Variants in STRADB observed in about 807,000 individuals in gnomAD.
The protein encoded by STRADB is STE20-related kinase adapter protein beta.
A neutral mutation model predicts 52.1 loss-of-function variants in STRADB; 34 were observed. That is an observed-to-expected ratio of 0.65 (90% CI 0.50 to 0.87). STRADB has a LOEUF of 0.87. Among genes scored for constraint, STRADB ranks in the 40% least tolerant of loss-of-function variants. The pLI is 0.00. For missense variants in STRADB, 340 were observed against 483.9 expected (o/e 0.70, Z 2.79); for synonymous variants, 133 against 174.5 (o/e 0.76, Z 1.87).
intron 4 of STRADB, among the ~76,000 whole-genome samples, chr2:201,471,818 C>A (rs778916043): frequency 2.6e-5 from 4 of 152,150 alleles, no homozygotes; most frequent in African/African-American, 4.8e-5. Context: ...AGGGCCAAGG[C>A]AGAGGCATTT....
rs147510220 is a variant in STRADB at position 201,462,568 on chromosome 2, A to C, written c.93+3704A>C. Reference sequence around the variant, plus strand: ...GTGTGTATGTGTTGTAGATTTTATGATTTGAGGTTACCATGAGGCTTGCAA... The same window carrying C: ...GTGTGTATGTGTTGTAGATTTTATGCTTTGAGGTTACCATGAGGCTTGCAA... On this transcript the variant is annotated intron_variant, in intron 3 of 11. Coordinates refer to ENST00000194530, the MANE Select transcript of STRADB (RefSeq NM_018571.6). Among the ~76,000 whole-genome samples the C allele has an allele frequency of 2.2e-3, 333 of 151,716 alleles. 2 individuals carry two copies. Among genetic ancestry groups the C allele is most frequent in the African/African-American group, 7.4e-3 (304 of 41,354 alleles).
intron 4 of STRADB, among the ~76,000 whole-genome samples, chr2:201,471,182 G>T (rs1050150409): frequency 6.6e-6 from 1 of 152,182 alleles, no homozygotes. Context: ...GTTTCAAATG[G>T]TGCCAATTCT....
chr2:201,476,899 T>C (rs757834787), intron 7 of STRADB, among the ~76,000 whole-genome samples: 1 of 141,388 alleles, frequency 7.1e-6, no homozygotes, highest in Non-Finnish European at 1.5e-5. Context: ...GGAGAATCAC[T>C]TGAACCCAGG....
intron 8 of STRADB, 105 bp downstream of exon 8, chr2:201,477,895 C>A: frequency 7.3e-7 from 1 of 1,372,366 alleles, no homozygotes; most frequent in South Asian, 1.4e-5. Context: ...TGGCCTTCTG[C>A]AAGACTTTAT....
At chr2:201,469,288 T>C (rs1189000722) in intron 3 of STRADB, among the ~76,000 whole-genome samples, 3 of 152,214 alleles carry the variant, frequency 2.0e-5, no homozygotes, top group Non-Finnish European at 4.4e-5. Flanking sequence ...GGTTATCATA[T>C]GAAGCCAGTA....
At chr2:201,469,171 T>C (rs1334971871) in intron 3 of STRADB, among the ~76,000 whole-genome samples, 1 of 152,250 alleles carries the variant, frequency 6.6e-6, no homozygotes, top group African/African-American at 2.4e-5. Flanking sequence ...ACACAATTCC[T>C]AGCACATAGT....
At chr2:201,475,578 A>G in intron 6 of STRADB, 41 bp from the exon 7 acceptor site, 2 of 1,610,632 alleles carry the variant, frequency 1.2e-6, no homozygotes, top group Non-Finnish European at 1.7e-6. Flanking sequence ...AAGCAAAATC[A>G]CTTTCAATGT....
At position 201,478,451 on chromosome 2, in the gene STRADB, G is replaced by T; in HGVS notation, c.920G>T (p.Gly307Val). The T allele has an allele frequency of 6.2e-7, 1 of 1,614,026 alleles. No individual in the cohort carries two copies. Among genetic ancestry groups the T allele is most frequent in the South Asian group, 1.1e-5 (1 of 91,082 alleles). The change falls in exon 10 of 12, where the codon GGT becomes GTT. Residue 307 changes from glycine (G) to valine (V), a missense_variant. Physicochemically the swap from Gly to Val is moderately radical, Grantham distance 109. Transcript: ENST00000194530. Reference protein sequence around the residue: ...SESRMKNSQSGVDSGIGESVL... With the variant: ...SESRMKNSQSVVDSGIGESVL... ...TCCAGAATGAAAAATTCCCAGTCAG[G>T]TGTAGACTCTGGGATTGGAGAAAGT...
At chr2:201,461,158 AT>A (rs1400265474) in intron 3 of STRADB, among the ~76,000 whole-genome samples, 1 of 152,030 alleles carries the variant, frequency 6.6e-6, no homozygotes, top group Non-Finnish European at 1.5e-5. Context: ...CCTGTTTGCC[AT>A]TTGTATGTCA....
At chr2:201,452,516 CGCCTGCTTAGCACGGT>C (rs1374597352) in intron 1 of STRADB, among the ~76,000 whole-genome samples, 1 of 152,206 alleles carries the variant, frequency 6.6e-6, no homozygotes, top group Non-Finnish European at 1.5e-5. Context: ...TGTAACACGG[CGCCTGCTTAGCACGGT>C]GCCTGGCACC....
intron 7 of STRADB, among the ~76,000 whole-genome samples, chr2:201,476,981 CAAAAAAAAA>C (rs749872871): frequency 3.3e-5 from 1 of 30,052 alleles, no homozygotes; most frequent in African/African-American, 1.2e-4. Context: ...GATTCTGTCT[CAAAAAAAAA>C]AAAAAAAAAA....
Position 201,469,990 on chromosome 2 carries a change from C to G in STRADB, c.131C>G (p.Thr44Ser). The G allele has an allele frequency of 6.2e-7, 1 of 1,614,046 alleles. No homozygotes were observed. The highest frequency in any genetic ancestry group is 8.5e-7 in the Non-Finnish European group (1 of 1,180,000). ...ACCCTTTCCTGGTCACGTCCATCCA[C>G]TAGAGCCAGTGAAGTACTATGTTCC... is the stretch of plus-strand genomic sequence containing the variant. ...EPTLSWSRPSTRASEVLCSTN... is the reference protein window; with the variant it reads ...EPTLSWSRPSSRASEVLCSTN... Residue 44 changes from threonine (T) to serine (S), a missense_variant, in exon 4 of 12, where the codon ACT (threonine) becomes AGT (serine). Transcript: ENST00000194530.
intron 3 of STRADB, among the ~76,000 whole-genome samples, chr2:201,461,357 T>G (rs1330452372): frequency 6.6e-6 from 1 of 152,026 alleles, no homozygotes; most frequent in East Asian, 1.9e-4. Context: ...CCCAGCTAAT[T>G]AAAAGAGGTC....
At chr2:201,475,841 A>G in intron 7 of STRADB, 99 bp downstream of exon 7, 1 of 1,311,896 alleles carries the variant, frequency 7.6e-7, no homozygotes, top group African/African-American at 1.5e-5. Context: ...GAAAAAAGGG[A>G]TAGGAAACTT....
intron 10 of STRADB, chr2:201,479,241 CTACTAAGT>C: frequency 2.4e-6 from 1 of 412,522 alleles, no homozygotes; most frequent in Non-Finnish European, 4.3e-6. Context: ...TGCTGCTACC[CTACTAAGT>C]TACTGTCAGT....
In STRADB at chr2:201,471,874, T is replaced by C. The variant is rs1952395569; in HGVS notation, c.194-1081T>C. The stretch of plus-strand genomic sequence containing the variant: ...TTCTGGTGTGTGCCCTGGCTGAGAA[T>C]TCAGGGCATATGAGGGAGTCACTGC... On this transcript the variant is annotated intron_variant, in intron 4 of 11. Coordinates refer to ENST00000194530, the MANE Select transcript of STRADB (RefSeq NM_018571.6). Among the ~76,000 whole-genome samples the C allele has an allele frequency of 2.0e-5, 3 of 152,162 alleles. No individual in the cohort carries two copies. In the South Asian group the frequency reaches 6.2e-4, roughly 32 times the overall value.
intron 3 of STRADB, among the ~76,000 whole-genome samples, chr2:201,466,664 A>G (rs1320887879): frequency 1.3e-5 from 2 of 151,910 alleles, no homozygotes; most frequent in Non-Finnish European, 2.9e-5. Flanking sequence ...AACTTCGGAA[A>G]CCCCTCTATC....
chr2:201,476,536 A>C (rs903892273), intron 7 of STRADB, among the ~76,000 whole-genome samples: 1 of 152,086 alleles, frequency 6.6e-6, no homozygotes, highest in African/African-American at 2.4e-5. Context: ...CTGACAATTA[A>C]AGGAAATGTA....
intron 3 of STRADB, 93 bp from the exon 4 acceptor site, chr2:201,469,860 C>CT: frequency 1.1e-6 from 1 of 899,554 alleles, no homozygotes; most frequent in Non-Finnish European, 1.8e-6. Context: ...ATGAGCACCT[C>CT]TGTGTTTGAA....
Sources: gnomAD v4.1 joint callset for allele counts (sites outside exome capture counted in the v4.1 genomes callset) on GRCh38, gnomAD v4.1.1 for gene constraint, MANE v1.5 for transcripts, NCBI Gene and HGNC (gene_info 2026-07-23, HGNC 2026-07-21) for gene names.